Variants in ZNF639 observed in about 807,000 individuals in gnomAD.
ZNF639 encodes the protein zinc finger protein 639, also known as zinc finger amplified in esophageal squamous cell carcinomas 1.
In ZNF639, 20 loss-of-function variants were observed where a neutral mutation model predicts 39.8. The observed-to-expected ratio is 0.50, with a 90% CI of 0.35 to 0.73. ZNF639 has a LOEUF of 0.73. Ranked by LOEUF, ZNF639 falls within the 30% of genes least tolerant of loss-of-function variation. The probability of loss-of-function intolerance (pLI) is 0.00; values close to 1 mark genes in which losing one functional copy is unlikely to be tolerated. For missense variants in ZNF639, 477 were observed against 566.2 expected, an observed-to-expected ratio of 0.84 and a Z score of 1.60; for synonymous variants, 176 against 189.8, an observed-to-expected ratio of 0.93 and a Z score of 0.60.
At chr3:179,324,361 T>G (rs1727464091) in intron 1 of ZNF639, among the ~76,000 whole-genome samples, 1 of 152,134 alleles carries the variant, frequency 6.6e-6, no homozygotes, top group Non-Finnish European at 1.5e-5. Flanking sequence ...TTTTAAACAT[T>G]TTTCTGATTT....
intron 4 of ZNF639, among the ~76,000 whole-genome samples, chr3:179,332,533 A>G (rs1165605077): frequency 1.3e-5 from 2 of 152,164 alleles, no homozygotes; most frequent in African/African-American, 2.4e-5. Context: ...CTGAAGGATC[A>G]CTTGAGCCCA....
chr3:179,329,528 TAAG>T (rs1467077054), intron 3 of ZNF639, 87 bp from the exon 4 acceptor site: 9 of 728,758 alleles, frequency 1.2e-5, no homozygotes, highest in African/African-American at 9.2e-5. Context: ...TAATTAACAT[TAAG>T]AACATTTGTA....
In ZNF639 at chr3:179,328,815, G is replaced by A. The variant is rs1727743038; in HGVS notation, c.58+464G>A. Among the ~76,000 whole-genome samples the A allele has an allele frequency of 2.1e-5, 3 of 140,146 alleles. No homozygotes were observed. The South Asian group carries it at 6.6e-4, about 31-fold the overall frequency. 91.9% of individuals were successfully genotyped at this position (140,146 alleles called of 152,430 possible). A position where few individuals can be genotyped will look rare whatever the true frequency, so the allele number is the denominator to read the frequency against. On this transcript the variant is annotated intron_variant, in intron 3 of 5. Transcript: ENST00000496856. ...TTTTGAGACAGAGTCTCACTCTCTA[G>A]CCCAGGCTGGAGTGCCATGGTGTGA...
At position 179,323,210 on chromosome 3, in the gene ZNF639, G is replaced by C. The variant is rs1241522499; in HGVS notation, c.-164G>C. On this transcript the variant is annotated 5_prime_UTR_variant, in exon 1 of 6. Coordinates refer to ENST00000496856, the MANE Select transcript of ZNF639 (RefSeq NM_001303426.2). ...CCCGCCGCCGTGCGTCCGCGGGAAG[G>C]ACCGCGCGGCCCCTCCGCCTGCGCT... The C allele has an allele frequency of 1.8e-5, 18 of 984,950 alleles. No individual in the cohort carries two copies. The highest frequency in any genetic ancestry group is 2.0e-5 in the Non-Finnish European group (17 of 829,950). 61.0% of individuals were successfully genotyped at this position (984,950 alleles called of 1,614,324 possible). A position where few individuals can be genotyped will look rare whatever the true frequency, so the allele number is the denominator to read the frequency against.
chr3:179,329,894 G>A (rs994100090), intron 4 of ZNF639, 166 bp downstream of exon 4: 1 of 303,638 alleles, frequency 3.3e-6, no homozygotes, highest in Non-Finnish European at 6.1e-6. Context: ...AAGAAAGCAA[G>A]TAATTTTAAC....
chr3:179,331,634 G>T (rs565677312), intron 4 of ZNF639, among the ~76,000 whole-genome samples: 1 of 152,122 alleles, frequency 6.6e-6, no homozygotes, highest in African/African-American at 2.4e-5. Context: ...AATTAGCTGG[G>T]CGTGGTGGTG....
chr3:179,326,303 A>G (rs937762913), intron 1 of ZNF639, among the ~76,000 whole-genome samples: 9 of 151,102 alleles, frequency 6.0e-5, no homozygotes, highest in Admixed American at 1.3e-4. Context: ...AGAGGTTGCA[A>G]TGAGCCAAGA....
intron 1 of ZNF639, among the ~76,000 whole-genome samples, chr3:179,325,948 A>G (rs1727567498): frequency 6.6e-6 from 1 of 152,192 alleles, no homozygotes; most frequent in Non-Finnish European, 1.5e-5. Flanking sequence ...ATATCACTTC[A>G]GTGCTGATAT....
chr3:179,331,410 G>C (rs1309688177), intron 4 of ZNF639, among the ~76,000 whole-genome samples: 2 of 152,142 alleles, frequency 1.3e-5, no homozygotes, highest in Non-Finnish European at 2.9e-5. Context: ...CTAGGAGGTG[G>C]AATATAAGTC....
At chr3:179,326,420 A>G (rs1045388513) in intron 1 of ZNF639, among the ~76,000 whole-genome samples, 1 of 152,160 alleles carries the variant, frequency 6.6e-6, no homozygotes, top group African/African-American at 2.4e-5. Context: ...TCCCAACCCC[A>G]GCATTTACTG....
At position 179,332,993 on chromosome 3, in the gene ZNF639, T is replaced by C. The variant is rs1727997929; in HGVS notation, c.174T>C (p.Asp58=). Residue 58 remains aspartate (D), a synonymous_variant, in exon 5 of 6, where the codon GAT becomes GAC. Transcript: ENST00000496856. ...CTTCCAAATCCCTTTTTACAGATGA[T>C]GATTCTGATACCGAGACGTCAAATG... The part of the protein sequence containing the change: ...PDLKYFDNKD[D]DSDTETSNDL... The C allele has an allele frequency of 6.5e-7, 1 of 1,546,652 alleles. No individual in the cohort carries two copies. The highest frequency in any genetic ancestry group is 1.2e-5 in the South Asian group (1 of 82,578).
rs752418172 is a variant in ZNF639 at position 179,333,173 on chromosome 3, TA to T, written c.304+57del. On this transcript the variant is annotated intron_variant, in intron 5 of 5. Coordinates refer to ENST00000496856, the MANE Select transcript of ZNF639 (RefSeq NM_001303426.2). ...TGATATATTTTGTATTGGTGAATTTTAAAAAAAGTGCATGCAATAAATTTTT... is the reference window on the plus strand; with the variant it reads ...TGATATATTTTGTATTGGTGAATTTTAAAAAAGTGCATGCAATAAATTTTT... 6 of 1,563,860 alleles carry T rather than the reference TA, an allele frequency of 3.8e-6. No homozygotes were observed. The African/African-American group carries it at 4.1e-5, about 11-fold the overall frequency.
rs771052215 is a variant in ZNF639, at chr3:179,333,369, TGAA to T, written c.408_410del (p.Glu136del). 1 of 1,614,170 alleles carries T rather than the reference TGAA, an allele frequency of 6.2e-7. No homozygotes were observed. The highest frequency in any genetic ancestry group is 1.1e-5 in the South Asian group (1 of 91,082). On this transcript the variant is annotated inframe_deletion, in exon 6 of 6. Coordinates refer to ENST00000496856, the MANE Select transcript of ZNF639 (RefSeq NM_001303426.2). The stretch of plus-strand genomic sequence containing the variant: ...AGAGTCCTATAGAAGTTCACACTGC[TGAA>T]GATGTTCCAATTGCTGTAGAAGTGC...
intron 4 of ZNF639, among the ~76,000 whole-genome samples, chr3:179,330,814 T>C (rs1407403103): frequency 6.6e-6 from 1 of 152,236 alleles, no homozygotes; most frequent in Non-Finnish European, 1.5e-5. Context: ...CAACTTGCAC[T>C]TAAGTTAGAG....
chr3:179,326,377 TAATA>T (rs1206005861), intron 1 of ZNF639, among the ~76,000 whole-genome samples: 7 of 152,132 alleles, frequency 4.6e-5, no homozygotes, highest in East Asian at 1.9e-4. Flanking sequence ...ATAAATAGAT[TAATA>T]AATAAAGTTG....
In ZNF639 at chr3:179,336,246, A is replaced by C. The variant is rs1711521437; in HGVS notation, c.*1824A>C. ...AACATATGAATTTGGGAGGGAACAC[A>C]ATTGAGTAGCAGAGTCTGAAACAGC... On this transcript the variant is annotated 3_prime_UTR_variant, in exon 6 of 6. Transcript: ENST00000496856. The C allele has an allele frequency of 6.6e-6, 1 of 152,224 alleles. No individual in the cohort carries two copies. 9.4% of individuals were successfully genotyped at this position (152,224 alleles called of 1,614,324 possible).
chr3:179,331,174 G>A (rs1182450444), intron 4 of ZNF639, among the ~76,000 whole-genome samples: 3 of 152,152 alleles, frequency 2.0e-5, no homozygotes, highest in African/African-American at 2.4e-5. Flanking sequence ...AGGGGCACAC[G>A]TCAACTTAAA....
At position 179,337,895 on chromosome 3, in the gene ZNF639, G is replaced by A. The variant is rs937416506; in HGVS notation, c.*3473G>A. The A allele has an allele frequency of 6.6e-6, 1 of 152,206 alleles. No individual in the cohort carries two copies. The highest frequency in any genetic ancestry group is 1.5e-5 in the Non-Finnish European group (1 of 68,216). The allele number at this position is 152,206 out of a possible 1,614,324, so 9.4% of individuals were successfully genotyped here. A position where few individuals can be genotyped will look rare whatever the true frequency, so the allele number is the denominator to read the frequency against. ...CAATTCTCCTGCCTCAGCCTCCCGA[G>A]TAGCTGGGATACAGGTGCCCACCAC... On this transcript the variant is annotated 3_prime_UTR_variant, in exon 6 of 6. Transcript: ENST00000496856.
intron 1 of ZNF639, among the ~76,000 whole-genome samples, chr3:179,326,237 C>G (rs1300593994): frequency 2.0e-5 from 3 of 151,952 alleles, no homozygotes; most frequent in East Asian, 3.9e-4. Context: ...GGCGGGCGCC[C>G]GTAATCCCGG....
Sources: allele counts gnomAD v4.1 joint callset (sites outside exome capture counted in the v4.1 genomes callset), GRCh38; gene constraint gnomAD v4.1.1; transcripts MANE v1.5; gene names NCBI Gene and HGNC (gene_info 2026-07-23, HGNC 2026-07-21).